The following TRIR variants were observed in gnomAD, a reference collection of about 807,000 sequenced individuals.
TRIR encodes the protein telomerase RNA component interacting RNase, also known as telomerase RNA component-interacting RNase.
A neutral mutation model predicts 18.2 loss-of-function variants in TRIR; 5 were observed. That is an observed-to-expected ratio of 0.27 (90% confidence interval 0.14 to 0.58). The LOEUF (loss-of-function observed/expected upper bound fraction) is 0.58. TRIR is among the 20% of genes least tolerant of loss of function. The pLI, the probability that TRIR is intolerant of heterozygous loss-of-function variation, is 0.91. For synonymous variants in TRIR, 134 were observed against 114.4 expected (o/e 1.17, Z -1.10); for missense variants, 206 against 252.8 (o/e 0.81, Z 1.25).
rs771878299 is a variant in TRIR at position 12,734,288 on chromosome 19, CG to C, written c.345+24del. ...CGCTGCCAAGACAGGCCGTGGCGCC[CG>C]CCCCCACCCCCACGGCTCCTTACGA... is the stretch of plus-strand genomic sequence containing the variant. On this transcript the variant is annotated intron_variant, in intron 1 of 2. Coordinates refer to ENST00000242784, the MANE Select transcript of TRIR (RefSeq NM_024038.4). This position sits in a 1 kb window ranked among gnomAD's most constrained non-coding sequence, Gnocchi z 4.1. 3.5e-5 allele frequency: 48 copies of C among 1,383,324 alleles called. No homozygotes were observed. The Middle Eastern group carries it at 8.9e-4, about 26-fold the overall frequency. The allele number at this position is 1,383,324 out of a possible 1,614,324, so 85.7% of individuals were successfully genotyped here. A position where few individuals can be genotyped will look rare whatever the true frequency, so the allele number is the denominator to read the frequency against.
Position 12,734,580 on chromosome 19 carries a change from G to A in TRIR, c.78C>T (p.Ser26=). The change falls in exon 1 of 3, where the codon AGC becomes AGT. Residue 26 remains serine (S), a synonymous_variant. Transcript: ENST00000242784. This position sits in a 1 kb window ranked among gnomAD's most constrained non-coding sequence, Gnocchi z 4.1. ...TCCCCGATCCCGACTCAGCCCAACG[G>A]CTCCCGCCACCGCCACCGCCCGCGG... is the stretch of plus-strand genomic sequence containing the variant. ...PGPAGGGGGG[S]RWAESGSGTS... 11 of 1,522,992 alleles carry A rather than the reference G, an allele frequency of 7.2e-6. No individual in the cohort carries two copies. Among genetic ancestry groups the A allele is most frequent in the Non-Finnish European group, 8.8e-6 (10 of 1,140,532 alleles). 94.3% of individuals were successfully genotyped at this position (1,522,992 alleles called of 1,614,324 possible).
rs1177993702 is a variant in TRIR at position 12,734,569 on chromosome 19, T to C, written c.89A>G (p.Glu30Gly). The change falls in exon 1 of 3, where the codon GAG becomes GGG. Residue 30 changes from glutamate to glycine, a missense_variant. Glu to Gly is a moderately conservative substitution (Grantham distance 98). Around this residue, in one of 2 missense-constraint regions of TRIR, gnomAD observed 172 missense variants for 165.0 expected, o/e 1.04. Coordinates refer to ENST00000242784, the MANE Select transcript of TRIR (RefSeq NM_024038.4). This position sits in a 1 kb window ranked among gnomAD's most constrained non-coding sequence, Gnocchi z 4.1. ...GGGGGGSRWA[E>G]SGSGTSPESG... ...CTCGGGCGACGTCCCCGATCCCGAC[T>C]CAGCCCAACGGCTCCCGCCACCGCC... 1 of 1,528,214 alleles carries C rather than the reference T, an allele frequency of 6.5e-7. No homozygotes were observed. The highest frequency in any genetic ancestry group is 1.2e-5 in the South Asian group (1 of 82,640). The allele number at this position is 1,528,214 out of a possible 1,614,324, so 94.7% of individuals were successfully genotyped here. A position where few individuals can be genotyped will look rare whatever the true frequency, so the allele number is the denominator to read the frequency against.
At position 12,731,427 on chromosome 19, in the gene TRIR, T is replaced by A. The variant is rs372009797; in HGVS notation, c.346-6A>T. The stretch of plus-strand genomic sequence containing the variant: ...CCGCCTCTGCGTTTGCCCACCTGGG[T>A]GAAGGGACAGAAGACTGCAACGGTT... On this transcript the variant is annotated splice_polypyrimidine_tract_variant and splice_region_variant and intron_variant, in intron 1 of 2. Coordinates refer to ENST00000242784, the MANE Select transcript of TRIR (RefSeq NM_024038.4). The surrounding 1 kb of genome is among the most constrained non-coding windows in gnomAD (Gnocchi z 5.1). 5 of 1,612,392 alleles carry A rather than the reference T, an allele frequency of 3.1e-6. No individual in the cohort carries two copies. In the African/African-American group the frequency reaches 6.7e-5, roughly 22 times the overall value.
At chr19:12,732,973 G>A (rs1967463627) in intron 1 of TRIR, among the ~76,000 whole-genome samples, 1 of 152,014 alleles carries the variant, frequency 6.6e-6, no homozygotes, top group Non-Finnish European at 1.5e-5. Context: ...GTGCAATCAT[G>A]GCTCACTGCA....
At chr19:12,733,650 A>G (rs544157597) in intron 1 of TRIR, among the ~76,000 whole-genome samples, 15 of 152,302 alleles carry the variant, frequency 9.8e-5, no homozygotes, top group African/African-American at 3.6e-4. Flanking sequence ...CCTTCCTGGA[A>G]GACAGGCTCT....
Position 12,734,257 on chromosome 19 carries a change from G to T in TRIR, c.345+56C>A. On this transcript the variant is annotated intron_variant, in intron 1 of 2. Coordinates refer to ENST00000242784, the MANE Select transcript of TRIR (RefSeq NM_024038.4). The surrounding 1 kb of genome is among the most constrained non-coding windows in gnomAD (Gnocchi z 4.1). ...GTCCCGATCCCCCTTCACGGGCCCC[G>T]ACTCCCGCTGCCAAGACAGGCCGTG... The T allele has an allele frequency of 7.3e-7, 1 of 1,365,116 alleles. No homozygotes were observed. The highest frequency in any genetic ancestry group is 1.6e-5 in the South Asian group (1 of 60,926). 84.6% of individuals were successfully genotyped at this position (1,365,116 alleles called of 1,614,324 possible).
intron 1 of TRIR, among the ~76,000 whole-genome samples, chr19:12,733,312 T>C (rs1390010246): frequency 2.0e-5 from 3 of 152,186 alleles, no homozygotes; most frequent in Non-Finnish European, 1.5e-5. Flanking sequence ...GTCTTGTTAT[T>C]CTCAACACTT....
In TRIR at chr19:12,731,102, G is replaced by A; in HGVS notation, c.424-34C>T. 6.4e-7 allele frequency: 1 copy of A among 1,567,866 alleles called. No individual in the cohort carries two copies. The highest frequency in any genetic ancestry group is 1.1e-5 in the South Asian group (1 of 89,966). ...AGGGGATACGGGTTAGGACGGGGGT[G>A]CCAGGAACCAGGGTCAGGACTGCCC... On this transcript the variant is annotated intron_variant, in intron 2 of 2. Transcript: ENST00000242784. This position sits in a 1 kb window ranked among gnomAD's most constrained non-coding sequence, Gnocchi z 5.1.
rs1416473046 is a variant in TRIR, at chr19:12,734,255, C to G, written c.345+58G>C. The G allele has an allele frequency of 7.3e-7, 1 of 1,365,984 alleles. No homozygotes were observed. 84.6% of individuals were successfully genotyped at this position (1,365,984 alleles called of 1,614,324 possible). On this transcript the variant is annotated intron_variant, in intron 1 of 2. Coordinates refer to ENST00000242784, the MANE Select transcript of TRIR (RefSeq NM_024038.4). This position sits in a 1 kb window ranked among gnomAD's most constrained non-coding sequence, Gnocchi z 4.1. ...CGGTCCCGATCCCCCTTCACGGGCC[C>G]CGACTCCCGCTGCCAAGACAGGCCG...
At position 12,731,242 on chromosome 19, in the gene TRIR, C is replaced by T; in HGVS notation, c.423+102G>A. 1 of 1,441,020 alleles carries T rather than the reference C, an allele frequency of 6.9e-7. No homozygotes were observed. Among genetic ancestry groups the T allele is most frequent in the Non-Finnish European group, 9.7e-7 (1 of 1,027,310 alleles). 89.3% of individuals were successfully genotyped at this position (1,441,020 alleles called of 1,614,324 possible). ...CAGCCCTCCTACCCTGCCAGGCACACTCATAAAAGGCCTGGATACCAGACA... is the reference window on the plus strand; with the variant it reads ...CAGCCCTCCTACCCTGCCAGGCACATTCATAAAAGGCCTGGATACCAGACA... On this transcript the variant is annotated intron_variant, in intron 2 of 2. Coordinates refer to ENST00000242784, the MANE Select transcript of TRIR (RefSeq NM_024038.4). This position sits in a 1 kb window ranked among gnomAD's most constrained non-coding sequence, Gnocchi z 5.1.
chr19:12,734,336 C>T lies in TRIR; in HGVS notation c.322G>A (p.Gly108Ser). ...ACGAAGCTAAGTGTGGAGCCCGGACCGCCCTTCCTCTTCGGATCCCCGGGG... is the reference window on the plus strand; with the variant it reads ...ACGAAGCTAAGTGTGGAGCCCGGACTGCCCTTCCTCTTCGGATCCCCGGGG... Reference protein sequence around the residue: ...AGPGDPKRKGGPGSTLSFVGK... With the variant: ...AGPGDPKRKGSPGSTLSFVGK... Residue 108 changes from glycine (G) to serine (S), a missense_variant, in exon 1 of 3, where the codon GGT becomes AGT. By Grantham distance (56) the Gly-to-Ser change is moderately conservative. Coordinates refer to ENST00000242784, the MANE Select transcript of TRIR (RefSeq NM_024038.4). This position sits in a 1 kb window ranked among gnomAD's most constrained non-coding sequence, Gnocchi z 4.1. 3 of 1,441,136 alleles carry T rather than the reference C, an allele frequency of 2.1e-6. No homozygotes were observed. Among genetic ancestry groups the T allele is most frequent in the South Asian group, 1.4e-5 (1 of 69,856 alleles). The allele number at this position is 1,441,136 out of a possible 1,614,324, so 89.3% of individuals were successfully genotyped here.
chr19:12,731,353 C>T lies in TRIR; in HGVS notation c.414G>A (p.Thr138=), dbSNP rs551567529. The T allele has an allele frequency of 1.2e-5, 20 of 1,613,724 alleles. No homozygotes were observed. Among genetic ancestry groups the T allele is most frequent in the South Asian group, 2.2e-5 (2 of 91,088 alleles). ...CACCAAGCTGGCTCACCTCATCCTC[C>T]GTCTTCTGCTTCTTGGCTACTATTC... ...KTGIVAKKQK[T]EDEVLTSKGD... Residue 138 remains threonine (T), a synonymous_variant, in exon 2 of 3, where the codon ACG becomes ACA. Transcript: ENST00000242784. The surrounding 1 kb of genome is among the most constrained non-coding windows in gnomAD (Gnocchi z 5.1).
chr19:12,732,822 T>G (rs938441244), intron 1 of TRIR, among the ~76,000 whole-genome samples: 4 of 152,062 alleles, frequency 2.6e-5, no homozygotes, highest in Non-Finnish European at 4.4e-5. Flanking sequence ...ACCCCTGACC[T>G]CAGGTGATCT....
chr19:12,732,124 C>CAAAAAAAA (rs34115155), intron 1 of TRIR, among the ~76,000 whole-genome samples: 1 of 79,810 alleles, frequency 1.3e-5, no homozygotes, highest in African/African-American at 4.9e-5. Context: ...GACTCTGTCT[C>CAAAAAAAA]AAAAAAAAAA....
chr19:12,730,922 G>C lies in TRIR; in HGVS notation c.*39C>G. ...GCTGCATTAAATAGTTATGTACATC[G>C]CAGAGAGTCCCAGGCCATGGGCAGG... is the stretch of plus-strand genomic sequence containing the variant. On this transcript the variant is annotated 3_prime_UTR_variant, in exon 3 of 3. Coordinates refer to ENST00000242784, the MANE Select transcript of TRIR (RefSeq NM_024038.4). The C allele has an allele frequency of 6.4e-7, 1 of 1,553,778 alleles. No homozygotes were observed. The highest frequency in any genetic ancestry group is 8.9e-7 in the Non-Finnish European group (1 of 1,125,388).
Position 12,731,234 on chromosome 19 carries a change from C to T in TRIR, c.423+110G>A, listed in dbSNP as rs1468050934. On this transcript the variant is annotated intron_variant, in intron 2 of 2. Transcript: ENST00000242784. This position sits in a 1 kb window ranked among gnomAD's most constrained non-coding sequence, Gnocchi z 5.1. Reference sequence around the variant, plus strand: ...CCCATTGACAGCCCTCCTACCCTGCCAGGCACACTCATAAAAGGCCTGGAT... The same window carrying T: ...CCCATTGACAGCCCTCCTACCCTGCTAGGCACACTCATAAAAGGCCTGGAT... 2.9e-6 allele frequency: 4 copies of T among 1,400,420 alleles called. No homozygotes were observed. Among genetic ancestry groups the T allele is most frequent in the Admixed American group, 1.7e-5 (1 of 58,952 alleles). The allele number at this position is 1,400,420 out of a possible 1,614,324, so 86.7% of individuals were successfully genotyped here.
At position 12,734,394 on chromosome 19, in the gene TRIR, C is replaced by A. The variant is rs975099579; in HGVS notation, c.264G>T (p.Pro88=). The A allele has an allele frequency of 9.3e-6, 14 of 1,510,854 alleles. No homozygotes were observed. The highest frequency in any genetic ancestry group is 3.5e-4 in the Middle Eastern group (2 of 5,792). 93.6% of individuals were successfully genotyped at this position (1,510,854 alleles called of 1,614,324 possible). A position where few individuals can be genotyped will look rare whatever the true frequency, so the allele number is the denominator to read the frequency against. ...RQRQEEPPPG[P]QRPDQSAAAA... ...CGGCGGCCGACTGGTCGGGTCGCTG[C>A]GGACCCGGGGGCGGCTCCTCCTGCC... Residue 88 remains proline, a synonymous_variant, in exon 1 of 3, where the codon CCG becomes CCT. Coordinates refer to ENST00000242784, the MANE Select transcript of TRIR (RefSeq NM_024038.4). The surrounding 1 kb of genome is among the most constrained non-coding windows in gnomAD (Gnocchi z 4.1).
chr19:12,730,678 T>C lies in TRIR; in HGVS notation c.*283A>G, dbSNP rs1967409223. ...CAAGTTCTTTACTTCCCAGAAGTGATGGCTAAGGGGAGGGAGGAGGGTGAG... is the reference window on the plus strand; with the variant it reads ...CAAGTTCTTTACTTCCCAGAAGTGACGGCTAAGGGGAGGGAGGAGGGTGAG... On this transcript the variant is annotated 3_prime_UTR_variant, in exon 3 of 3. Coordinates refer to ENST00000242784, the MANE Select transcript of TRIR (RefSeq NM_024038.4). 1.2e-5 allele frequency: 6 copies of C among 500,364 alleles called. No individual in the cohort carries two copies. Among genetic ancestry groups the C allele is most frequent in the South Asian group, 1.1e-4 (5 of 44,872 alleles). The allele number at this position is 500,364 out of a possible 1,614,324, so 31.0% of individuals were successfully genotyped here. A position where few individuals can be genotyped will look rare whatever the true frequency, so the allele number is the denominator to read the frequency against.
Position 12,731,675 on chromosome 19 carries a change from C to T in TRIR, c.346-254G>A, listed in dbSNP as rs10420318. On this transcript the variant is annotated intron_variant, in intron 1 of 2. Transcript: ENST00000242784. This position sits in a 1 kb window ranked among gnomAD's most constrained non-coding sequence, Gnocchi z 5.1. ...TAGGGACCAGCTCTGTTCTCACTTT[C>T]CACGCCAAGGCCTCACCCTCCCTAG... 1,907 of 524,236 alleles carry T rather than the reference C, an allele frequency of 3.6e-3. 38 individuals are homozygous for T. Among genetic ancestry groups the T allele is most frequent in the African/African-American group, 0.034 (1,725 of 51,368 alleles). 32.5% of individuals were successfully genotyped at this position (524,236 alleles called of 1,614,324 possible).
Sources: allele counts gnomAD v4.1 joint callset (sites outside exome capture counted in the v4.1 genomes callset), GRCh38; gene constraint gnomAD v4.1.1; regional missense constraint gnomAD v4.1.1; non-coding constraint Gnocchi (gnomAD v3.1); transcripts MANE v1.5; gene names NCBI Gene and HGNC (gene_info 2026-07-23, HGNC 2026-07-21).